MX1: variants seen among roughly 807,000 people sequenced by gnomAD.
MX1 encodes the protein interferon-induced GTP-binding protein Mx1.
In MX1, 66 loss-of-function variants were observed where a neutral mutation model predicts 66.4. The observed-to-expected ratio is 0.99, with a 90% CI of 0.82 to 1.22. The LOEUF is 1.22. Among genes scored for constraint, MX1 ranks in the 50% most tolerant of loss-of-function variants. The pLI, the probability that MX1 is intolerant of heterozygous loss-of-function variation, is 0.00. For missense variants in MX1, 787 were observed against 834.3 expected (o/e 0.94, Z 0.70); for synonymous variants, 311 against 318.1 (o/e 0.98, Z 0.24).
intron 11 of MX1, among the ~76,000 whole-genome samples, chr21:41,444,175 C>A (rs1054345600): frequency 1.3e-5 from 2 of 152,112 alleles, no homozygotes; most frequent in African/African-American, 4.8e-5. Flanking sequence ...CATTGACAAC[C>A]ACTATTATAA....
intron 14 of MX1, among the ~76,000 whole-genome samples, chr21:41,450,123 T>TA (rs1252894761): frequency 2.6e-5 from 4 of 152,248 alleles, no homozygotes; most frequent in Non-Finnish European, 5.9e-5. Flanking sequence ...GCTCCACTGC[T>TA]ATGCTGGCTT....
At chr21:41,432,611 A>C (rs1468908047) in intron 5 of MX1, among the ~76,000 whole-genome samples, 1 of 152,236 alleles carries the variant, frequency 6.6e-6, no homozygotes, top group African/African-American at 2.4e-5. Context: ...GGAACCAATC[A>C]TGGCCCCTGG....
At chr21:41,448,557 G>A (rs1291941955) in intron 13 of MX1, among the ~76,000 whole-genome samples, 3 of 152,150 alleles carry the variant, frequency 2.0e-5, no homozygotes, top group African/African-American at 4.8e-5. Flanking sequence ...TGTAATCCCA[G>A]CACTTTGGGA....
intron 3 of MX1, chr21:41,428,311 A>G (rs560470689): frequency 2.6e-5 from 4 of 152,368 alleles, no homozygotes; most frequent in African/African-American, 9.6e-5. Flanking sequence ...AGTGATTCTC[A>G]AATTCAGGAT....
chr21:41,446,926 GGATAAGGAGCTAGT>G (rs890783438), intron 13 of MX1, among the ~76,000 whole-genome samples: 24 of 152,192 alleles, frequency 1.6e-4, no homozygotes, highest in African/African-American at 5.8e-4. Context: ...AGGATGGTCA[GGATAAGGAGCTAGT>G]GACAACTAAA....
At chr21:41,445,699 A>C in intron 12 of MX1, 129 bp downstream of exon 12, 1 of 1,315,664 alleles carries the variant, frequency 7.6e-7, no homozygotes, top group Non-Finnish European at 1.0e-6. Context: ...GTAGCACTCA[A>C]AGGGTGGACA....
Position 41,432,947 on chromosome 21 carries a change from T to C in MX1, c.105+772T>C, listed in dbSNP as rs577667283. Among the ~76,000 whole-genome samples, 17 of 152,326 alleles carry C rather than the reference T, an allele frequency of 1.1e-4. No homozygotes were observed. The South Asian group carries it at 1.2e-3, about 11-fold the overall frequency. On this transcript the variant is annotated intron_variant, in intron 5 of 16. Transcript: ENST00000398598. Reference sequence around the variant, plus strand: ...TTTCCACCACCCTGATACCACCGTTTACATTTTTCTGCATTTCCGTCCCTG... The same window carrying C: ...TTTCCACCACCCTGATACCACCGTTCACATTTTTCTGCATTTCCGTCCCTG...
intron 16 of MX1, among the ~76,000 whole-genome samples, chr21:41,457,977 G>A (rs1414617233): frequency 6.6e-6 from 1 of 152,088 alleles, no homozygotes; most frequent in African/African-American, 2.4e-5. Flanking sequence ...CCTCATCCAG[G>A]TGGTAGCAAG....
chr21:41,431,967 T>C, intron 4 of MX1, 83 bp from the exon 5 acceptor site: 1 of 1,117,984 alleles, frequency 8.9e-7, no homozygotes, highest in Non-Finnish European at 1.3e-6. Context: ...TCCAGGGGCC[T>C]TCCGTTCTGG....
At chr21:41,452,164 CA>C (rs1239641783) in intron 15 of MX1, among the ~76,000 whole-genome samples, 3 of 152,182 alleles carry the variant, frequency 2.0e-5, no homozygotes, top group African/African-American at 7.2e-5. Flanking sequence ...CTGGAGGGTC[CA>C]GGGGTGAAGT....
chr21:41,439,843 TATAAGGTCAGAC>T lies in MX1; in HGVS notation c.587_591+7del. 6.2e-7 allele frequency: 1 copy of T among 1,612,988 alleles called. No homozygotes were observed. The highest frequency in any genetic ancestry group is 8.5e-7 in the Non-Finnish European group (1 of 1,179,794). On this transcript the variant is annotated splice_donor_variant and splice_donor_5th_base_variant and coding_sequence_variant and intron_variant, in exon 8 of 17. Coordinates refer to ENST00000398598, the MANE Select transcript of MX1 (RefSeq NM_002462.5). LOFTEE classifies it high-confidence loss of function. ...GGGCAATCAGCCTGCTGACATTGGGTATAAGGTCAGACTTCAGACCCATTCTGACCTTGGCCG... is the reference window on the plus strand; with the variant it reads ...GGGCAATCAGCCTGCTGACATTGGGTTTCAGACCCATTCTGACCTTGGCCG...
In MX1 at chr21:41,445,986, T is replaced by C; in HGVS notation, c.1132-14T>C. 2 of 1,613,284 alleles carry C rather than the reference T, an allele frequency of 1.2e-6. No homozygotes were observed. The highest frequency in any genetic ancestry group is 1.1e-5 in the South Asian group (1 of 91,034). ...AAGTCTATCCACTTATACTGATGTT[T>C]TTCTTCTTGACAGAAAGTTAATGCC... On this transcript the variant is annotated splice_polypyrimidine_tract_variant and intron_variant, in intron 12 of 16. Transcript: ENST00000398598.
At chr21:41,455,236 G>A (rs576212538) in intron 16 of MX1, among the ~76,000 whole-genome samples, 42 of 152,274 alleles carry the variant, frequency 2.8e-4, no homozygotes, top group African/African-American at 9.1e-4. Flanking sequence ...GCTCTCAGGG[G>A]TCACCATACT....
intron 14 of MX1, among the ~76,000 whole-genome samples, chr21:41,450,178 G>A (rs920105356): frequency 1.3e-5 from 2 of 152,196 alleles, no homozygotes; most frequent in African/African-American, 4.8e-5. Context: ...GAGGAGTAAA[G>A]CCAATGGTTC....
At chr21:41,456,305 A>G (rs1302397704) in intron 16 of MX1, among the ~76,000 whole-genome samples, 3 of 152,164 alleles carry the variant, frequency 2.0e-5, no homozygotes, top group Admixed American at 2.0e-4. Context: ...AAAGAAATAT[A>G]TGTATATTTC....
chr21:41,452,760 T>A lies in MX1; in HGVS notation c.1649T>A (p.Leu550Gln). ...GALQKVREKE[L>Q]EEEKKKKSWD... ...TTGCAGAAGGTCAGAGAGAAGGAGC[T>A]GGAAGAAGAAAAGAAGAAGAAATCC... Residue 550 changes from leucine to glutamine, a missense_variant, in exon 16 of 17, where the codon CTG (leucine) becomes CAG (glutamine). By Grantham distance (113) the Leu-to-Gln change is moderately radical. Coordinates refer to ENST00000398598, the MANE Select transcript of MX1 (RefSeq NM_002462.5). 1 of 1,614,152 alleles carries A rather than the reference T, an allele frequency of 6.2e-7. No homozygotes were observed. The highest frequency in any genetic ancestry group is 8.5e-7 in the Non-Finnish European group (1 of 1,180,034).
chr21:41,421,744 T>G (rs557261820), upstream of MX1: 1 of 153,182 alleles, frequency 6.5e-6, no homozygotes, highest in South Asian at 2.0e-4. Context: ...GGCAGAAGAA[T>G]TTTTCTTAGT....
chr21:41,441,539 T>C lies in MX1; in HGVS notation c.731-177T>C. 6 of 648,106 alleles carry C rather than the reference T, an allele frequency of 9.3e-6. No homozygotes were observed. The highest frequency in any genetic ancestry group is 1.6e-5 in the Non-Finnish European group (6 of 368,242). 40.1% of individuals were successfully genotyped at this position (648,106 alleles called of 1,614,324 possible). A position where few individuals can be genotyped will look rare whatever the true frequency, so the allele number is the denominator to read the frequency against. On this transcript the variant is annotated intron_variant, in intron 9 of 16. Transcript: ENST00000398598. The surrounding 1 kb of genome is among the most constrained non-coding windows in gnomAD (Gnocchi z 4.0). Reference sequence around the variant, plus strand: ...GGCATCCCTGCCTTCACGCGGCTTGTCGTGGAGTTCTTTTCTGGAGCGGGG... The same window carrying C: ...GGCATCCCTGCCTTCACGCGGCTTGCCGTGGAGTTCTTTTCTGGAGCGGGG...
In MX1 at chr21:41,427,788, C is replaced by T. The variant is rs573781692; in HGVS notation, c.-176C>T. The T allele has an allele frequency of 1.3e-5, 2 of 152,230 alleles. No individual in the cohort carries two copies. Among genetic ancestry groups the T allele is most frequent in the Non-Finnish European group, 2.9e-5 (2 of 68,068 alleles). 9.4% of individuals were successfully genotyped at this position (152,230 alleles called of 1,614,324 possible). ...TGGCCACACTGCGAGGAGATCGGTTCTGGGTCGGAGGCTACAGGAAGACTC... is the reference window on the plus strand; with the variant it reads ...TGGCCACACTGCGAGGAGATCGGTTTTGGGTCGGAGGCTACAGGAAGACTC... On this transcript the variant is annotated 5_prime_UTR_variant, in exon 3 of 17. Transcript: ENST00000398598.
Sources: allele counts gnomAD v4.1 joint callset (sites outside exome capture counted in the v4.1 genomes callset), GRCh38; gene constraint gnomAD v4.1.1; non-coding constraint Gnocchi (gnomAD v3.1); transcripts MANE v1.5; gene names NCBI Gene and HGNC (gene_info 2026-07-23, HGNC 2026-07-21).